ENOX1: variants seen among roughly 807,000 people sequenced by gnomAD.
The protein encoded by ENOX1 is candidate growth-related and time keeping constitutive hydroquinone (NADH) oxidase.
In ENOX1, 42 loss-of-function variants were observed where a neutral mutation model predicts 82.5. That is an observed-to-expected ratio of 0.51 (90% CI 0.40 to 0.66). The LOEUF is 0.66. ENOX1 is among the 30% of genes least tolerant of loss of function. ENOX1 has a pLI of 0.00. For synonymous variants in ENOX1, 271 were observed against 282.2 expected (o/e 0.96, Z 0.40); for missense variants, 608 against 811.6 (o/e 0.75, Z 3.05).
chr13:43,375,146 T>C (rs2051529604), intron 5 of ENOX1, among the ~76,000 whole-genome samples: 1 of 152,144 alleles, frequency 6.6e-6, no homozygotes, highest in African/African-American at 2.4e-5. Flanking sequence ...ACAATGGTGC[T>C]AAGTGCCCAC....
At chr13:43,526,677 C>G (rs2078003302) in intron 2 of ENOX1, among the ~76,000 whole-genome samples, 1 of 152,094 alleles carries the variant, frequency 6.6e-6, no homozygotes, top group Non-Finnish European at 1.5e-5. Flanking sequence ...TGAGGGGTAC[C>G]AGTTCAAGGT....
At chr13:43,445,642 G>A (rs1203523181) in intron 3 of ENOX1, among the ~76,000 whole-genome samples, 1 of 151,994 alleles carries the variant, frequency 6.6e-6, no homozygotes, top group Non-Finnish European at 1.5e-5. Flanking sequence ...TTTCAAAGAG[G>A]GCATTTTTTA....
chr13:43,561,673 G>T (rs190282668), intron 2 of ENOX1, among the ~76,000 whole-genome samples: 1 of 152,172 alleles, frequency 6.6e-6, no homozygotes, highest in East Asian at 1.9e-4. Flanking sequence ...CACAGAAAAG[G>T]GAGGCCCAAA....
chr13:43,447,424 G>A (rs2056710844), intron 3 of ENOX1, among the ~76,000 whole-genome samples: 1 of 152,080 alleles, frequency 6.6e-6, no homozygotes, highest in South Asian at 2.1e-4. Flanking sequence ...TACATGCCAA[G>A]GTGTTCTTAA....
intron 5 of ENOX1, among the ~76,000 whole-genome samples, chr13:43,369,744 C>G (rs2051093893): frequency 6.6e-6 from 1 of 152,186 alleles, no homozygotes; most frequent in African/African-American, 2.4e-5. Flanking sequence ...GCTAGACAAC[C>G]CTCTCTTAAA....
At chr13:43,522,012 T>C (rs755887209) in intron 2 of ENOX1, among the ~76,000 whole-genome samples, 2 of 152,168 alleles carry the variant, frequency 1.3e-5, no homozygotes, top group Non-Finnish European at 2.9e-5. Flanking sequence ...TAACAATTTA[T>C]TTGTAGACAA....
chr13:43,452,545 C>T (rs145027595), intron 3 of ENOX1, among the ~76,000 whole-genome samples: 100 of 152,214 alleles, frequency 6.6e-4, no homozygotes, highest in African/African-American at 2.3e-3. Context: ...TATTTTGAGA[C>T]GGAGTCTCTC....
chr13:43,337,147 T>C (rs556132209), intron 9 of ENOX1, among the ~76,000 whole-genome samples: 9 of 152,328 alleles, frequency 5.9e-5, no homozygotes, highest in Non-Finnish European at 1.0e-4. Flanking sequence ...AAAAAACACT[T>C]AGGCTGTGTT....
intron 11 of ENOX1, among the ~76,000 whole-genome samples, chr13:43,315,756 A>G (rs996248255): frequency 3.3e-5 from 5 of 152,200 alleles, no homozygotes; most frequent in African/African-American, 1.2e-4. Context: ...AGTACTTTCC[A>G]TAGCAACTTT....
intron 3 of ENOX1, among the ~76,000 whole-genome samples, chr13:43,434,357 C>T (rs978518450): frequency 4.6e-5 from 7 of 152,198 alleles, no homozygotes; most frequent in African/African-American, 1.4e-4. Context: ...TCTAGTCCTT[C>T]GGCCTTCCTT....
intron 1 of ENOX1, among the ~76,000 whole-genome samples, chr13:43,679,471 C>T (rs969699524): frequency 2.6e-5 from 4 of 152,210 alleles, no homozygotes; most frequent in African/African-American, 7.2e-5. Context: ...TCATGTTTTA[C>T]ACATAATACC....
At chr13:43,539,469 GA>G (rs2078616617) in intron 2 of ENOX1, among the ~76,000 whole-genome samples, 1 of 152,004 alleles carries the variant, frequency 6.6e-6, no homozygotes, top group African/African-American at 2.4e-5. Context: ...TTTAAACATA[GA>G]AATATTCAAG....
chr13:43,625,289 T>C (rs1343932035), intron 2 of ENOX1, among the ~76,000 whole-genome samples: 3 of 151,952 alleles, frequency 2.0e-5, no homozygotes, highest in African/African-American at 7.2e-5. Flanking sequence ...ATATACACAA[T>C]CATGCCATCT....
At chr13:43,322,328 G>T in intron 11 of ENOX1, 56 bp downstream of exon 11, 6 of 1,373,508 alleles carry the variant, frequency 4.4e-6, no homozygotes, top group South Asian at 1.2e-5. Context: ...TTCCCCATCT[G>T]AGATTTGGAA....
At chr13:43,426,449 A>G (rs2055306873) in intron 3 of ENOX1, among the ~76,000 whole-genome samples, 1 of 152,186 alleles carries the variant, frequency 6.6e-6, no homozygotes, top group Admixed American at 6.5e-5. Context: ...CCCAAACTAA[A>G]CAAATATTTT....
intron 2 of ENOX1, among the ~76,000 whole-genome samples, chr13:43,645,586 T>C (rs1368614551): frequency 2.0e-5 from 3 of 152,224 alleles, no homozygotes; most frequent in Non-Finnish European, 2.9e-5. Context: ...GCACATTCTA[T>C]GTAAACAATC....
chr13:43,609,858 C>T, intron 2 of ENOX1: 1 of 927,304 alleles, frequency 1.1e-6, no homozygotes, highest in Non-Finnish European at 1.3e-6. Flanking sequence ...GTAAGAAAAA[C>T]ATTAATCTAC....
At chr13:43,626,464 CTCA>C (rs1314101504) in intron 2 of ENOX1, among the ~76,000 whole-genome samples, 1 of 151,766 alleles carries the variant, frequency 6.6e-6, no homozygotes, top group Non-Finnish European at 1.5e-5. Flanking sequence ...AAATTTCCCT[CTCA>C]TCACTGCTTT....
intron 1 of ENOX1, among the ~76,000 whole-genome samples, chr13:43,741,698 A>G (rs1042569265): frequency 6.6e-6 from 1 of 152,012 alleles, no homozygotes; most frequent in Non-Finnish European, 1.5e-5. Context: ...TTGCTTTTTC[A>G]CTTTTTTATG....
Sources: gnomAD v4.1 joint callset for allele counts (sites outside exome capture counted in the v4.1 genomes callset) on GRCh38, gnomAD v4.1.1 for gene constraint, MANE v1.5 for transcripts, NCBI Gene and HGNC (gene_info 2026-07-23, HGNC 2026-07-21) for gene names.